Variants in MYH9 observed in about 807,000 individuals in gnomAD.
MYH9 encodes the protein myosin-9.
MYH9 carries 29 observed loss-of-function variants against 241.9 expected under a neutral mutation model. That is an observed-to-expected ratio of 0.12 (90% CI 0.09 to 0.16). MYH9 has a LOEUF of 0.16. Ranked by LOEUF, MYH9 falls within the 10% of genes least tolerant of loss-of-function variation. MYH9 has a pLI of 1.00. For synonymous variants in MYH9, 1,047 were observed against 1,062.6 expected (o/e 0.99, Z 0.29); for missense variants, 1,803 against 2,595.5 (o/e 0.69, Z 6.63).
intron 1 of MYH9, among the ~76,000 whole-genome samples, chr22:36,369,448 C>A (rs2018059404): frequency 6.6e-6 from 1 of 152,228 alleles, no homozygotes; most frequent in South Asian, 2.1e-4. Context: ...AGAAGGCGGG[C>A]TGAGAACAGC....
intron 13 of MYH9, among the ~76,000 whole-genome samples, chr22:36,313,472 A>AAAAAAAAAAG (rs771935599): frequency 4.9e-5 from 6 of 123,000 alleles, no homozygotes; most frequent in African/African-American, 5.5e-5. Flanking sequence ...AAAAAAAAAA[A>AAAAAAAAAAG]AAGAAGAAAA....
Position 36,320,945 on chromosome 22 carries a change from C to G in MYH9, c.770-49G>C. The G allele has an allele frequency of 6.6e-7, 1 of 1,520,210 alleles. No individual in the cohort carries two copies. Among genetic ancestry groups the G allele is most frequent in the Non-Finnish European group, 9.1e-7 (1 of 1,104,728 alleles). The allele number at this position is 1,520,210 out of a possible 1,614,324, so 94.2% of individuals were successfully genotyped here. The stretch of plus-strand genomic sequence containing the variant: ...ACAAGCTGGGGAGAAGGCAAGCCCT[C>G]CACTTTCCTCATTTTTTTTTTTTTG... On this transcript the variant is annotated intron_variant, in intron 7 of 40. Transcript: ENST00000216181. The surrounding 1 kb of genome is among the most constrained non-coding windows in gnomAD (Gnocchi z 4.8).
At chr22:36,326,795 G>A in intron 4 of MYH9, 134 bp from the exon 5 acceptor site, 1 of 649,794 alleles carries the variant, frequency 1.5e-6, no homozygotes, top group South Asian at 1.5e-5. Flanking sequence ...GCAGAAAACG[G>A]GACTGCCACA....
At position 36,292,052 on chromosome 22, in the gene MYH9, C is replaced by T. The variant is rs1407768962; in HGVS notation, c.4278G>A (p.Leu1426=). ...TCTGGCGCTGGTGGTCCAGGTCCAC[C>T]AGCAGGTCGTCCAGCTCCTGCTGCA... ...TRLQQELDDL[L]VDLDHQRQSA... The change falls in exon 31 of 41, where the codon CTG becomes CTA. Residue 1426 remains leucine, a synonymous_variant. Coordinates refer to ENST00000216181, the MANE Select transcript of MYH9 (RefSeq NM_002473.6). 1 of 1,614,070 alleles carries T rather than the reference C, an allele frequency of 6.2e-7. No homozygotes were observed. Among genetic ancestry groups the T allele is most frequent in the Non-Finnish European group, 8.5e-7 (1 of 1,180,046 alleles).
rs777918996 is a variant in MYH9, at chr22:36,282,721, C to T, written c.5830G>A (p.Asp1944Asn). ...MARKGAGDGS[D>N]EEVDGKADGA... ...TCCGCTTTGCCATCTACCTCTTCGT[C>T]GGAGCCATCCCCGGCGCCTTTCCGG... is the stretch of plus-strand genomic sequence containing the variant. Residue 1944 changes from aspartate to asparagine, a missense_variant, in exon 41 of 41, where the codon GAC becomes AAC. Physicochemically the swap from Asp to Asn is conservative, Grantham distance 23 (BLOSUM62 1). This residue lies in a region of MYH9 where 876 missense variants were observed against 1,077.8 expected (regional missense o/e 0.81). Transcript: ENST00000216181. 16 of 1,613,970 alleles carry T rather than the reference C, an allele frequency of 9.9e-6. No homozygotes were observed. The highest frequency in any genetic ancestry group is 4.5e-5 in the East Asian group (2 of 44,884).
At chr22:36,314,399 G>A in intron 12 of MYH9, 81 bp from the exon 13 acceptor site, 1 of 1,561,844 alleles carries the variant, frequency 6.4e-7, no homozygotes, top group South Asian at 1.1e-5. Context: ...AGGAGGGTGG[G>A]GCAGGGATAC....
chr22:36,327,992 G>A (rs904318278), intron 3 of MYH9, among the ~76,000 whole-genome samples: 1 of 152,232 alleles, frequency 6.6e-6, no homozygotes, highest in African/African-American at 2.4e-5. Flanking sequence ...GGGATAAGAT[G>A]CTGCCTCACA....
At position 36,285,506 on chromosome 22, in the gene MYH9, G is replaced by T. The variant is rs1044793072; in HGVS notation, c.5274+152C>A. 1 of 1,352,006 alleles carries T rather than the reference G, an allele frequency of 7.4e-7. No homozygotes were observed. The highest frequency in any genetic ancestry group is 2.0e-5 in the Admixed American group (1 of 50,812). The allele number at this position is 1,352,006 out of a possible 1,614,324, so 83.8% of individuals were successfully genotyped here. A position where few individuals can be genotyped will look rare whatever the true frequency, so the allele number is the denominator to read the frequency against. On this transcript the variant is annotated intron_variant, in intron 37 of 40. Transcript: ENST00000216181. The surrounding 1 kb of genome is among the most constrained non-coding windows in gnomAD (Gnocchi z 7.0). Reference sequence around the variant, plus strand: ...AACACCCAACACAGAAGCCAGAGGGGGACCTTTCAGGTCCAGGTGCCTGGA... The same window carrying T: ...AACACCCAACACAGAAGCCAGAGGGTGACCTTTCAGGTCCAGGTGCCTGGA...
In MYH9 at chr22:36,314,450, G is replaced by A. The variant is rs1246240997; in HGVS notation, c.1381-132C>T. On this transcript the variant is annotated intron_variant, in intron 12 of 40. Transcript: ENST00000216181. ...GGGCACCTCCATGCCGCTGCCTTTA[G>A]AGCCCGGATGCTCCTGGCCTTCCCT... 4.5e-6 allele frequency: 5 copies of A among 1,114,898 alleles called. No individual in the cohort carries two copies. In the African/African-American group the frequency reaches 4.6e-5, roughly 10 times the overall value. The allele number at this position is 1,114,898 out of a possible 1,614,324, so 69.1% of individuals were successfully genotyped here.
chr22:36,335,198 G>A (rs2017479803), intron 3 of MYH9, among the ~76,000 whole-genome samples: 1 of 152,184 alleles, frequency 6.6e-6, no homozygotes, highest in African/African-American at 2.4e-5. Flanking sequence ...CTCCAGGCAG[G>A]CCCCAGCCTG....
chr22:36,361,070 G>A (rs940469188), intron 1 of MYH9, among the ~76,000 whole-genome samples: 1 of 152,122 alleles, frequency 6.6e-6, no homozygotes, highest in Non-Finnish European at 1.5e-5. Flanking sequence ...CAGCAGCCTC[G>A]ACCTAGGCCC....
At position 36,286,737 on chromosome 22, in the gene MYH9, T is replaced by C. The variant is rs1370183447; in HGVS notation, c.5042A>G (p.Glu1681Gly). 2 of 1,613,028 alleles carry C rather than the reference T, an allele frequency of 1.2e-6. No homozygotes were observed. The highest frequency in any genetic ancestry group is 1.7e-6 in the Non-Finnish European group (2 of 1,180,026). Reference protein sequence around the residue: ...NEKKLKSMEAEMIQLQEELAA... With the variant: ...NEKKLKSMEAGMIQLQEELAA... Reference sequence around the variant, plus strand: ...ACCCACCTCCTGCAACTGGATCATCTCGGCCTCCATGCTCTTCAGCTTCTT... The same window carrying C: ...ACCCACCTCCTGCAACTGGATCATCCCGGCCTCCATGCTCTTCAGCTTCTT... The change falls in exon 35 of 41, where the codon GAG (glutamate) becomes GGG (glycine). Residue 1681 changes from glutamate to glycine, a missense_variant. By Grantham distance (98) the Glu-to-Gly change is moderately conservative. This residue lies in a region of MYH9 where 876 missense variants were observed against 1,077.8 expected (regional missense o/e 0.81). Transcript: ENST00000216181.
At chr22:36,331,054 G>A (rs1027812796) in intron 3 of MYH9, among the ~76,000 whole-genome samples, 3 of 152,118 alleles carry the variant, frequency 2.0e-5, no homozygotes, top group African/African-American at 4.8e-5. Context: ...TGGAGACAGG[G>A]TTCCTCAGAG....
rs764367941 is a variant in MYH9, at chr22:36,284,263, G to C, written c.5595C>G (p.Ala1865=). The part of the protein sequence containing the change: ...RRNAEQYKDQ[A]DKASTRLKQL... ...GCTTCAGGCGGGTAGATGCCTTGTC[G>C]GCCTGCGGAGATGGACGTGTGGCCC... Residue 1865 remains alanine, a splice_region_variant and synonymous_variant, in exon 40 of 41, where the codon GCC becomes GCG. Transcript: ENST00000216181. 1 of 1,609,588 alleles carries C rather than the reference G, an allele frequency of 6.2e-7. No homozygotes were observed. Among genetic ancestry groups the C allele is most frequent in the Non-Finnish European group, 8.5e-7 (1 of 1,179,108 alleles).
In MYH9 at chr22:36,286,832, G is replaced by A. The variant is rs1411816755; in HGVS notation, c.4947C>T (p.Asp1649=). The change falls in exon 35 of 41, where the codon GAC becomes GAT. Residue 1649 remains aspartate, a synonymous_variant. Coordinates refer to ENST00000216181, the MANE Select transcript of MYH9 (RefSeq NM_002473.6). ...GGGTGTCATCCAGCTCGCGCATGCAGTCCTTCATCTGGGCCTGGGGTGGGG... is the reference window on the plus strand; with the variant it reads ...GGGTGTCATCCAGCTCGCGCATGCAATCCTTCATCTGGGCCTGGGGTGGGG... ...QLRKLQAQMK[D]CMRELDDTRA... is the part of the protein sequence containing the mutation. 3 of 1,608,802 alleles carry A rather than the reference G, an allele frequency of 1.9e-6. No homozygotes were observed. The Admixed American group carries it at 5.0e-5, about 27-fold the overall frequency.
chr22:36,319,106 G>A (rs1435074337), intron 10 of MYH9, among the ~76,000 whole-genome samples: 2 of 152,156 alleles, frequency 1.3e-5, no homozygotes, highest in South Asian at 2.1e-4. Context: ...TACATCTTTA[G>A]AGAGACCCTA....
intron 30 of MYH9, among the ~76,000 whole-genome samples, chr22:36,292,888 A>G (rs989824089): frequency 3.3e-5 from 5 of 152,206 alleles, no homozygotes; most frequent in African/African-American, 1.2e-4. Context: ...ATTCTAAAAA[A>G]CCATGGCTCA....
In MYH9 at chr22:36,288,254, G is replaced by A. The variant is rs2016622609; in HGVS notation, c.4930C>T (p.Gln1644Ter). 6.2e-7 allele frequency: 1 copy of A among 1,613,712 alleles called. No homozygotes were observed. The highest frequency in any genetic ancestry group is 1.3e-5 in the African/African-American group (1 of 74,906). ...ACCTGGGCCCCGCCCACCCTTACCT[G>A]CAGCTTCCGCAGCTGTTTGATGGCT... ...DEAIKQLRKL[Q>*]AQMKDCMREL... Residue 1644 changes from glutamine to a stop codon, truncating the protein, a stop_gained and splice_region_variant, in exon 34 of 41, where the codon CAG (glutamine) becomes TAG (stop). Transcript: ENST00000216181. LOFTEE classifies it high-confidence loss of function. The surrounding 1 kb of genome is among the most constrained non-coding windows in gnomAD (Gnocchi z 4.8).
intron 1 of MYH9, among the ~76,000 whole-genome samples, chr22:36,356,660 A>C (rs925425565): frequency 6.7e-6 from 1 of 149,980 alleles, no homozygotes; most frequent in Non-Finnish European, 1.5e-5. Flanking sequence ...AGCTCATTTG[A>C]TTCACTTATT....
Sources: gnomAD v4.1 joint callset for allele counts (sites outside exome capture counted in the v4.1 genomes callset) on GRCh38, gnomAD v4.1.1 for gene constraint, gnomAD v4.1.1 regional missense constraint, Gnocchi (gnomAD v3.1) non-coding constraint, MANE v1.5 for transcripts, NCBI Gene and HGNC (gene_info 2026-07-23, HGNC 2026-07-21) for gene names.